Variants in CACNA2D3 observed in about 807,000 individuals in gnomAD.
CACNA2D3 encodes voltage-dependent calcium channel subunit alpha-2/delta-3.
In CACNA2D3, 60 loss-of-function variants were observed where a neutral mutation model predicts 160.6. The ratio of observed to expected loss-of-function variants is 0.37; its 90% CI spans 0.30 to 0.46. The LOEUF (loss-of-function observed/expected upper bound fraction) is 0.46, where lower values mean the gene tolerates loss of function less well. CACNA2D3 is among the 20% of genes least tolerant of loss of function. The pLI is 1.00. For synonymous variants in CACNA2D3, 558 were observed against 492.9 expected (o/e 1.13, Z -1.75); for missense variants, 1,205 against 1,365.0 (o/e 0.88, Z 1.85).
At chr3:54,805,426 C>T (rs1238973955) in intron 13 of CACNA2D3, among the ~76,000 whole-genome samples, 3 of 152,190 alleles carry the variant, frequency 2.0e-5, no homozygotes, top group Non-Finnish European at 1.5e-5. Context: ...ACAAACACCT[C>T]TATGCAAATA....
chr3:54,478,783 C>T (rs906820182), intron 4 of CACNA2D3, among the ~76,000 whole-genome samples: 86 of 146,348 alleles, frequency 5.9e-4, no homozygotes, highest in African/African-American at 2.0e-3. Flanking sequence ...ATTAGTCAGG[C>T]GGCTCAATTA....
intron 11 of CACNA2D3, among the ~76,000 whole-genome samples, chr3:54,737,211 T>A (rs1171136014): frequency 6.6e-6 from 1 of 151,664 alleles, no homozygotes; most frequent in Non-Finnish European, 1.5e-5. Context: ...TGTGTGTGTG[T>A]GTGTGTGTGT....
chr3:54,706,867 T>G (rs1277778701), intron 11 of CACNA2D3, among the ~76,000 whole-genome samples: 2 of 152,226 alleles, frequency 1.3e-5, no homozygotes, highest in Non-Finnish European at 2.9e-5. Flanking sequence ...ATTGTCATGA[T>G]ATGGTTGGGA....
intron 14 of CACNA2D3, among the ~76,000 whole-genome samples, chr3:54,830,753 A>T (rs1040106455): frequency 2.0e-5 from 3 of 152,178 alleles, no homozygotes; most frequent in African/African-American, 7.2e-5. Flanking sequence ...CTGGGATTAC[A>T]GGCGTGAGTC....
At chr3:54,639,164 C>T (rs1046326900) in intron 10 of CACNA2D3, 4 of 150,854 alleles carry the variant, frequency 2.7e-5, no homozygotes, top group Admixed American at 6.6e-5. Flanking sequence ...GGGTTCTTGC[C>T]CCCTAGGAAA....
intron 4 of CACNA2D3, among the ~76,000 whole-genome samples, chr3:54,496,825 G>C (rs997732181): frequency 6.6e-6 from 1 of 152,074 alleles, no homozygotes; most frequent in Non-Finnish European, 1.5e-5. Flanking sequence ...TGAGTTAGGG[G>C]TTGAGAATGT....
intron 2 of CACNA2D3, among the ~76,000 whole-genome samples, chr3:54,218,909 A>C (rs1416285709): frequency 1.3e-5 from 2 of 152,130 alleles, no homozygotes; most frequent in African/African-American, 4.8e-5. Context: ...CCTTGTGACT[A>C]CACTGAGTCC....
chr3:54,294,388 C>T (rs909150105), intron 2 of CACNA2D3, among the ~76,000 whole-genome samples: 1 of 152,206 alleles, frequency 6.6e-6, no homozygotes, highest in Non-Finnish European at 1.5e-5. Context: ...GACAAGAAGA[C>T]GTCTGTGCTG....
intron 35 of CACNA2D3, among the ~76,000 whole-genome samples, chr3:55,045,320 G>T (rs1704051861): frequency 6.6e-6 from 1 of 152,198 alleles, no homozygotes; most frequent in Admixed American, 6.5e-5. Flanking sequence ...AAAGTGCTGG[G>T]ATTACAGGCG....
chr3:54,650,076 G>A (rs1699730745), intron 11 of CACNA2D3, among the ~76,000 whole-genome samples: 1 of 152,170 alleles, frequency 6.6e-6, no homozygotes, highest in South Asian at 2.1e-4. Context: ...AGCCACAGAA[G>A]CAGTACTAGA....
At chr3:54,326,965 C>T (rs1309067379) in intron 3 of CACNA2D3, among the ~76,000 whole-genome samples, 2 of 152,070 alleles carry the variant, frequency 1.3e-5, no homozygotes, top group East Asian at 3.9e-4. Context: ...TAAACTGGGT[C>T]GCTTGCAAAA....
At chr3:54,347,778 A>G (rs1371090368) in intron 3 of CACNA2D3, among the ~76,000 whole-genome samples, 2 of 152,084 alleles carry the variant, frequency 1.3e-5, no homozygotes, top group Non-Finnish European at 2.9e-5. Context: ...CCTATCCTCA[A>G]TAGAACTGGT....
intron 4 of CACNA2D3, among the ~76,000 whole-genome samples, chr3:54,387,736 C>T (rs1239724874): frequency 6.6e-6 from 1 of 152,124 alleles, no homozygotes; most frequent in Non-Finnish European, 1.5e-5. Flanking sequence ...TCTAAATTGG[C>T]ACTTTGAGTT....
rs533274138 is a variant in CACNA2D3 at position 54,657,685 on chromosome 3, G to C, written c.1167+15444G>C. ...CATAATGTCTTCCAGGTCCATCCAT[G>C]TTGTAAATGGTAGGATTTCCTTCTT... On this transcript the variant is annotated intron_variant, in intron 11 of 37. Coordinates refer to ENST00000474759, the MANE Select transcript of CACNA2D3 (RefSeq NM_018398.3). 3.3e-5 allele frequency among the ~76,000 whole-genome samples: 5 copies of C among 152,246 alleles called. No homozygotes were observed. The East Asian group carries it at 9.6e-4, about 29-fold the overall frequency.
chr3:54,725,666 T>C (rs1701262436), intron 11 of CACNA2D3, among the ~76,000 whole-genome samples: 1 of 152,106 alleles, frequency 6.6e-6, no homozygotes, highest in South Asian at 2.1e-4. Flanking sequence ...AAAAACCACA[T>C]GATTATCTCA....
rs761681919 is a variant in CACNA2D3, at chr3:54,879,093, C to T, written c.1782+4C>T. The T allele has an allele frequency of 2.5e-6, 4 of 1,572,938 alleles. No homozygotes were observed. The highest frequency in any genetic ancestry group is 3.5e-6 in the Non-Finnish European group (4 of 1,155,882). ...GAAGAAGACAGTGGACAAAGGGGTA[C>T]ATTTTTCTCAAACATTTTTGCTGCT... is the stretch of plus-strand genomic sequence containing the variant. On this transcript the variant is annotated splice_donor_region_variant and intron_variant, in intron 19 of 37. Coordinates refer to ENST00000474759, the MANE Select transcript of CACNA2D3 (RefSeq NM_018398.3).
chr3:55,004,528 C>A (rs1703047982), intron 31 of CACNA2D3, among the ~76,000 whole-genome samples: 1 of 152,234 alleles, frequency 6.6e-6, no homozygotes, highest in South Asian at 2.1e-4. Context: ...CCTCATCCCC[C>A]TCTACCCTTT....
At chr3:55,071,212 C>G (rs1219123233) in intron 35 of CACNA2D3, among the ~76,000 whole-genome samples, 2 of 152,036 alleles carry the variant, frequency 1.3e-5, no homozygotes, top group Non-Finnish European at 2.9e-5. Context: ...ATATTTTCCC[C>G]TTCTCCTGTG....
At chr3:54,122,939 C>T in intron 1 of CACNA2D3, 104 bp downstream of exon 1, 1 of 1,065,376 alleles carries the variant, frequency 9.4e-7, no homozygotes, top group Non-Finnish European at 1.2e-6. Flanking sequence ...GGACCCGCCG[C>T]GGGCGTCGGC....
Sources: allele counts gnomAD v4.1 joint callset (sites outside exome capture counted in the v4.1 genomes callset), GRCh38; gene constraint gnomAD v4.1.1; transcripts MANE v1.5; gene names NCBI Gene and HGNC (gene_info 2026-07-23, HGNC 2026-07-21).